The following DIXDC1 variants were observed in gnomAD, a reference collection of about 807,000 sequenced individuals.
The protein encoded by DIXDC1 is DIX domain containing 1.
In DIXDC1, 64 loss-of-function variants were observed where a neutral mutation model predicts 103.1. That is an observed-to-expected ratio of 0.62 (90% CI 0.51 to 0.76). The LOEUF is 0.76. Ranked by LOEUF, DIXDC1 falls within the 30% of genes least tolerant of loss-of-function variation. The pLI, the probability that DIXDC1 is intolerant of heterozygous loss-of-function variation, is 0.00. For synonymous variants in DIXDC1, 266 were observed against 298.5 expected (o/e 0.89, Z 1.12); for missense variants, 759 against 834.2 (o/e 0.91, Z 1.11).
intron 3 of DIXDC1, among the ~76,000 whole-genome samples, chr11:111,969,566 C>T (rs1221192520): frequency 6.6e-6 from 1 of 152,132 alleles, no homozygotes; most frequent in Non-Finnish European, 1.5e-5. Flanking sequence ...ATTTTGAGCC[C>T]AGGCTTCAAG....
At chr11:112,001,642 G>A (rs1861067976) in intron 17 of DIXDC1, among the ~76,000 whole-genome samples, 1 of 152,012 alleles carries the variant, frequency 6.6e-6, no homozygotes, top group Admixed American at 6.6e-5. Context: ...CAACTAGCCT[G>A]AAAAAGAAAC....
chr11:111,987,605 T>A (rs1253474314), intron 9 of DIXDC1, among the ~76,000 whole-genome samples: 1 of 151,942 alleles, frequency 6.6e-6, no homozygotes, highest in Non-Finnish European at 1.5e-5. Flanking sequence ...GTAAAGACAT[T>A]AACCCTCTCC....
At chr11:111,987,043 G>A in intron 9 of DIXDC1, 119 bp downstream of exon 9, 1 of 663,816 alleles carries the variant, frequency 1.5e-6, no homozygotes, top group East Asian at 3.7e-5. Context: ...AAGGTCAGGA[G>A]ATCGAGACCA....
At chr11:111,937,127 C>CGGGGGGGGGGGGGG (rs200146124), upstream of DIXDC1, 7 of 502,578 alleles carry the variant, frequency 1.4e-5, no homozygotes, top group African/African-American at 3.1e-4. Flanking sequence ...TGCTGCGGCC[C>CGGGGGGGGGGGGGG]GGGCGGGGGG....
At position 111,977,548 on chromosome 11, in the gene DIXDC1, G is replaced by A. The variant is rs1446477601; in HGVS notation, c.656+2565G>A. 6.8e-7 allele frequency: 1 copy of A among 1,463,974 alleles called. No individual in the cohort carries two copies. The highest frequency in any genetic ancestry group is 1.4e-5 in the African/African-American group (1 of 69,462). 90.7% of individuals were successfully genotyped at this position (1,463,974 alleles called of 1,614,324 possible). A position where few individuals can be genotyped will look rare whatever the true frequency, so the allele number is the denominator to read the frequency against. On this transcript the variant is annotated intron_variant, in intron 5 of 19. Transcript: ENST00000440460. The surrounding 1 kb of genome is among the most constrained non-coding windows in gnomAD (Gnocchi z 6.1). ...TGAGCGGCCGGGACTGCGCGCTTCA[G>A]AGCCTGGAGCATCCCAGTCGCTGGG...
Position 112,020,090 on chromosome 11 carries a change from G to C in DIXDC1, c.*1054G>C, listed in dbSNP as rs1861710174. ...GGGCACAATAGAAACCATGGGGCGT[G>C]GAGCATGAGTTGTGAATGGCAGGGA... is the stretch of plus-strand genomic sequence containing the variant. On this transcript the variant is annotated 3_prime_UTR_variant, in exon 20 of 20. Transcript: ENST00000440460. 1 of 152,140 alleles carries C rather than the reference G, an allele frequency of 6.6e-6. No homozygotes were observed. The highest frequency in any genetic ancestry group is 2.4e-5 in the African/African-American group (1 of 41,404). The allele number at this position is 152,140 out of a possible 1,614,324, so 9.4% of individuals were successfully genotyped here. A position where few individuals can be genotyped will look rare whatever the true frequency, so the allele number is the denominator to read the frequency against.
rs781946514 is a variant in DIXDC1, at chr11:111,974,149, G to T, written c.443G>T (p.Arg148Leu). Residue 148 changes from arginine to leucine, a missense_variant, in exon 4 of 20, where the codon CGA (arginine) becomes CTA (leucine). Transcript: ENST00000440460. ...RDSRAPLQSH[R>L]PHCATAVAQG... The stretch of plus-strand genomic sequence containing the variant: ...TCCAGAGCCCCTCTGCAAAGTCACC[G>T]ACCACACTGTGCCACTGCTGTTGCC... 6.2e-7 allele frequency: 1 copy of T among 1,613,962 alleles called. No homozygotes were observed. Among genetic ancestry groups the T allele is most frequent in the South Asian group, 1.1e-5 (1 of 91,054 alleles).
intron 1 of DIXDC1, among the ~76,000 whole-genome samples, chr11:111,960,909 A>G (rs782799527): frequency 6.6e-6 from 1 of 152,172 alleles, no homozygotes; most frequent in Non-Finnish European, 1.5e-5. Flanking sequence ...AAAGCTTGGG[A>G]AGATAAATCT....
intron 2 of DIXDC1, among the ~76,000 whole-genome samples, chr11:111,930,336 A>C (rs912200799): frequency 9.9e-5 from 15 of 152,226 alleles, no homozygotes; most frequent in African/African-American, 3.4e-4. Flanking sequence ...ATATATATAT[A>C]GTGAGCAATC....
At chr11:112,006,048 G>C (rs1477307989) in intron 17 of DIXDC1, among the ~76,000 whole-genome samples, 1 of 152,154 alleles carries the variant, frequency 6.6e-6, no homozygotes, top group Non-Finnish European at 1.5e-5. Flanking sequence ...AGCCCTGACA[G>C]ACTGTACCTG....
At chr11:111,955,830 G>T (rs1555170511) in intron 1 of DIXDC1, among the ~76,000 whole-genome samples, 1 of 77,584 alleles carries the variant, frequency 1.3e-5, no homozygotes. Context: ...TGAGACTCTA[G>T]CTCAAAAAAA....
intron 17 of DIXDC1, among the ~76,000 whole-genome samples, chr11:112,002,501 A>G (rs1017093037): frequency 6.6e-6 from 1 of 152,232 alleles, no homozygotes; most frequent in African/African-American, 2.4e-5. Context: ...ACTATTTCCA[A>G]TAGCCAAGGC....
intron 3 of DIXDC1, among the ~76,000 whole-genome samples, chr11:111,969,760 T>G: frequency 6.6e-6 from 1 of 152,166 alleles, no homozygotes; most frequent in African/African-American, 2.4e-5. Flanking sequence ...TCTCTGTGTT[T>G]AGATCATTTA....
At chr11:111,964,176 TG>T (rs1408726964) in intron 1 of DIXDC1, among the ~76,000 whole-genome samples, 4 of 152,206 alleles carry the variant, frequency 2.6e-5, no homozygotes, top group Admixed American at 6.5e-5. Context: ...GGTGGGTTGC[TG>T]GCAGTCGTGA....
chr11:111,996,051 A>G (rs1555175363), intron 16 of DIXDC1, 29 bp from the exon 17 acceptor site: 1 of 1,610,120 alleles, frequency 6.2e-7, no homozygotes, highest in Non-Finnish European at 8.5e-7. Flanking sequence ...ATTGATCATA[A>G]CTCTTGTGAT....
chr11:111,983,827 G>A (rs1555173557), intron 7 of DIXDC1, among the ~76,000 whole-genome samples: 1 of 152,138 alleles, frequency 6.6e-6, no homozygotes, highest in Non-Finnish European at 1.5e-5. Flanking sequence ...ATGAGAATTT[G>A]GTTCCATTGT....
chr11:111,950,305 C>A (rs1966736053), intron 1 of DIXDC1, among the ~76,000 whole-genome samples: 1 of 148,818 alleles, frequency 6.7e-6, no homozygotes. Flanking sequence ...GGTTTTATAC[C>A]TAGAGTGTTG....
At chr11:111,971,188 A>T (rs1317035732) in intron 3 of DIXDC1, among the ~76,000 whole-genome samples, 1 of 152,244 alleles carries the variant, frequency 6.6e-6, no homozygotes, top group African/African-American at 2.4e-5. Context: ...GTAAGCAGAT[A>T]GCCTATAGAA....
chr11:112,001,281 C>T (rs1861057079), intron 17 of DIXDC1, among the ~76,000 whole-genome samples: 1 of 152,124 alleles, frequency 6.6e-6, no homozygotes, highest in Admixed American at 6.6e-5. Context: ...GTGGGTTAGC[C>T]AGATGCCAGG....
Sources: gnomAD v4.1 joint callset for allele counts (sites outside exome capture counted in the v4.1 genomes callset) on GRCh38, gnomAD v4.1.1 for gene constraint, Gnocchi (gnomAD v3.1) non-coding constraint, MANE v1.5 for transcripts, NCBI Gene and HGNC (gene_info 2026-07-23, HGNC 2026-07-21) for gene names.